Variants in GLTP observed in about 807,000 individuals in gnomAD.
GLTP encodes glycolipid transfer protein.
In GLTP, 22 loss-of-function variants were observed where a neutral mutation model predicts 24.0. The observed-to-expected ratio is 0.92, with a 90% CI of 0.65 to 1.31. The LOEUF is 1.31. Among genes scored for constraint, GLTP ranks in the 50% most tolerant of loss-of-function variants. GLTP has a pLI of 0.00. For synonymous variants in GLTP, 92 were observed against 115.9 expected (o/e 0.79, Z 1.33); for missense variants, 224 against 276.6 (o/e 0.81, Z 1.35).
Position 109,852,715 on chromosome 12 carries a change from T to C in GLTP, c.470A>G (p.Tyr157Cys), listed in dbSNP as rs376109542. The C allele has an allele frequency of 5.6e-6, 9 of 1,612,590 alleles. No individual in the cohort carries two copies. The highest frequency in any genetic ancestry group is 1.7e-4 in the Middle Eastern group (1 of 6,056). Residue 157 changes from tyrosine (Y) to cysteine (C), a missense_variant, in exon 5 of 5, where the codon TAT (tyrosine) becomes TGT (cysteine). Coordinates refer to ENST00000318348, the MANE Select transcript of GLTP (RefSeq NM_016433.4). The part of the protein sequence containing the change: ...IFQAALYAAP[Y>C]KSDFLKALSK... ...GAGCGCTTTCAGGAAGTCAGACTTA[T>C]AGGGTGCTGCGTACAGTGCTGCCTT...
intron 1 of GLTP, among the ~76,000 whole-genome samples, chr12:109,877,990 G>C (rs553147023): frequency 1.3e-5 from 2 of 152,278 alleles, no homozygotes; most frequent in African/African-American, 4.8e-5. Context: ...GGTGGGCAGA[G>C]GGCCCTGTGG....
At chr12:109,876,159 A>G (rs1435011891) in intron 1 of GLTP, among the ~76,000 whole-genome samples, 1 of 152,134 alleles carries the variant, frequency 6.6e-6, no homozygotes, top group South Asian at 2.1e-4. Context: ...CCTGGCCGAA[A>G]TGGTAAAACC....
chr12:109,865,728 C>G (rs1182501493), intron 1 of GLTP, among the ~76,000 whole-genome samples: 1 of 152,196 alleles, frequency 6.6e-6, no homozygotes, highest in East Asian at 1.9e-4. Context: ...AGCCGCCATG[C>G]CTGGCCTGAA....
chr12:109,879,055 A>C (rs1592895879), intron 1 of GLTP, among the ~76,000 whole-genome samples: 1 of 152,150 alleles, frequency 6.6e-6, no homozygotes, highest in Non-Finnish European at 1.5e-5. Flanking sequence ...TCCCCGTTTC[A>C]CAGCTGGGGA....
Position 109,852,631 on chromosome 12 carries a change from A to G in GLTP, c.554T>C (p.Val185Ala), listed in dbSNP as rs755265075. ...ECLEKIRLFL[V>A]NYTATIDVIY... is the part of the protein sequence containing the mutation. ...GACATCGATGGTCGCCGTGTAGTTG[A>G]CTAGGAAGAGGCGGATCTTCTCCAG... is the stretch of plus-strand genomic sequence containing the variant. Residue 185 changes from valine to alanine, a missense_variant, in exon 5 of 5, where the codon GTC (valine) becomes GCC (alanine). By Grantham distance (64) the Val-to-Ala change is moderately conservative (BLOSUM62 0). Coordinates refer to ENST00000318348, the MANE Select transcript of GLTP (RefSeq NM_016433.4). The G allele has an allele frequency of 6.2e-7, 1 of 1,605,592 alleles. No homozygotes were observed. The highest frequency in any genetic ancestry group is 8.5e-7 in the Non-Finnish European group (1 of 1,172,284).
intron 2 of GLTP, chr12:109,858,285 C>A: frequency 2.2e-6 from 1 of 454,980 alleles, no homozygotes; most frequent in South Asian, 1.6e-5. Context: ...CTTGGCTGGG[C>A]CCTAGGTGGA....
chr12:109,852,372 C>T lies in GLTP; in HGVS notation c.*183G>A, dbSNP rs907914795. On this transcript the variant is annotated 3_prime_UTR_variant, in exon 5 of 5. Transcript: ENST00000318348. Reference sequence around the variant, plus strand: ...TTATTTACTGGTCCTTTAGAATAGACCAAAAAAAAAAAAAAAAAAGACTTA... The same window carrying T: ...TTATTTACTGGTCCTTTAGAATAGATCAAAAAAAAAAAAAAAAAAGACTTA... The T allele has an allele frequency of 9.3e-6, 3 of 322,672 alleles. 1 individual carries two copies. The highest frequency in any genetic ancestry group is 1.6e-5 in the Non-Finnish European group (3 of 187,498). 20.0% of individuals were successfully genotyped at this position (322,672 alleles called of 1,614,324 possible).
intron 1 of GLTP, among the ~76,000 whole-genome samples, chr12:109,870,019 C>T (rs1868669381): frequency 6.6e-6 from 1 of 152,068 alleles, no homozygotes. Flanking sequence ...GCTGGGGTTA[C>T]AGGCATGAGC....
chr12:109,861,345 G>A (rs947262712), intron 1 of GLTP, among the ~76,000 whole-genome samples: 4 of 152,198 alleles, frequency 2.6e-5, no homozygotes, highest in African/African-American at 4.8e-5. Context: ...AATCCTGCAC[G>A]ACCACTCCCC....
Position 109,858,730 on chromosome 12 carries a change from A to T in GLTP, c.115T>A (p.Ser39Thr). ...GCCTTGATGGGAGTAAACACTGGGG[A>T]CCCAAGGCAATCTGGGGACAAAATG... ...HLPPFFDCLG[S>T]PVFTPIKADI... Residue 39 changes from serine to threonine, a missense_variant, in exon 2 of 5, where the codon TCC (serine) becomes ACC (threonine). Physicochemically the swap from Ser to Thr is moderately conservative, Grantham distance 58 (BLOSUM62 1). Coordinates refer to ENST00000318348, the MANE Select transcript of GLTP (RefSeq NM_016433.4). 2 of 1,610,298 alleles carry T rather than the reference A, an allele frequency of 1.2e-6. No homozygotes were observed. Among genetic ancestry groups the T allele is most frequent in the Non-Finnish European group, 1.7e-6 (2 of 1,176,636 alleles).
chr12:109,874,940 T>G (rs1464816019), intron 1 of GLTP, among the ~76,000 whole-genome samples: 1 of 152,046 alleles, frequency 6.6e-6, no homozygotes, highest in Non-Finnish European at 1.5e-5. Flanking sequence ...TTTTTGTATT[T>G]TTAGTAGAGA....
chr12:109,870,470 A>AAAAATAAAATAAAAT (rs61486850), intron 1 of GLTP, among the ~76,000 whole-genome samples: 3 of 148,648 alleles, frequency 2.0e-5, no homozygotes, highest in African/African-American at 7.5e-5. Flanking sequence ...ACTCTGTCTC[A>AAAAATAAAATAAAAT]AAAATAAAAT....
intron 1 of GLTP, among the ~76,000 whole-genome samples, chr12:109,864,631 A>G (rs78665499): frequency 1.5e-4 from 23 of 151,966 alleles, no homozygotes; most frequent in Non-Finnish European, 4.4e-5. Flanking sequence ...CCCAGGTTAC[A>G]CTCCAGGGAG....
chr12:109,875,313 G>A (rs928324961), intron 1 of GLTP, among the ~76,000 whole-genome samples: 1 of 152,084 alleles, frequency 6.6e-6, no homozygotes, highest in African/African-American at 2.4e-5. Context: ...GGAGGGAGGT[G>A]GGCTGAAGAG....
At chr12:109,862,046 G>A (rs1565898349) in intron 1 of GLTP, among the ~76,000 whole-genome samples, 1 of 152,138 alleles carries the variant, frequency 6.6e-6, no homozygotes, top group East Asian at 1.9e-4. Context: ...GCTAGGCCAC[G>A]AGCAGTCTCC....
intron 1 of GLTP, among the ~76,000 whole-genome samples, chr12:109,863,316 A>G: frequency 6.6e-6 from 1 of 151,998 alleles, no homozygotes; most frequent in South Asian, 2.1e-4. Flanking sequence ...TTTTCTTTCA[A>G]GTCTGTTTTA....
chr12:109,862,011 C>T (rs993542675), intron 1 of GLTP, among the ~76,000 whole-genome samples: 1 of 152,188 alleles, frequency 6.6e-6, no homozygotes, highest in Non-Finnish European at 1.5e-5. Flanking sequence ...TGACCTGCTG[C>T]AAGCTCCGGG....
intron 3 of GLTP, among the ~76,000 whole-genome samples, chr12:109,856,353 G>A (rs1427391864): frequency 1.3e-5 from 2 of 152,198 alleles, no homozygotes; most frequent in Non-Finnish European, 2.9e-5. Flanking sequence ...CAGGAGAAGC[G>A]GATGGGGTAC....
In GLTP at chr12:109,855,816, G is replaced by T. The variant is rs779255758; in HGVS notation, c.297-47C>A. On this transcript the variant is annotated intron_variant, in intron 3 of 4. Transcript: ENST00000318348. This position sits in a 1 kb window ranked among gnomAD's most constrained non-coding sequence, Gnocchi z 4.1. ...GTTCGTTAGGACCCTGCACAGCCCT[G>T]TCGTGAAAGACCCTGATGGACTCTG... 5 of 1,465,862 alleles carry T rather than the reference G, an allele frequency of 3.4e-6. No individual in the cohort carries two copies. In the South Asian group the frequency reaches 7.1e-5, roughly 21 times the overall value. 90.8% of individuals were successfully genotyped at this position (1,465,862 alleles called of 1,614,324 possible). A position where few individuals can be genotyped will look rare whatever the true frequency, so the allele number is the denominator to read the frequency against.
Sources: allele counts gnomAD v4.1 joint callset (sites outside exome capture counted in the v4.1 genomes callset), GRCh38; gene constraint gnomAD v4.1.1; non-coding constraint Gnocchi (gnomAD v3.1); transcripts MANE v1.5; gene names NCBI Gene and HGNC (gene_info 2026-07-23, HGNC 2026-07-21).